NRXN3: variants seen among roughly 807,000 people sequenced by gnomAD.
NRXN3 encodes neurexin III.
NRXN3 carries 32 observed loss-of-function variants against 137.6 expected under a neutral mutation model. The ratio of observed to expected loss-of-function variants is 0.23; its 90% CI spans 0.18 to 0.31. The LOEUF (loss-of-function observed/expected upper bound fraction) is 0.31, where lower values mean the gene tolerates loss of function less well. NRXN3 is among the 10% of genes least tolerant of loss of function. The pLI, the probability that NRXN3 is intolerant of heterozygous loss-of-function variation, is 1.00. For synonymous variants in NRXN3, 798 were observed against 784.5 expected, an observed-to-expected ratio of 1.02 and a Z score of -0.29; for missense variants, 1,574 against 2,062.5, an observed-to-expected ratio of 0.76 and a Z score of 4.59.
At chr14:78,722,093 A>ACTC (rs1235691418) in intron 8 of NRXN3, among the ~76,000 whole-genome samples, 1 of 151,938 alleles carries the variant, frequency 6.6e-6, no homozygotes, top group Non-Finnish European at 1.5e-5. Context: ...TGGTCCTGTT[A>ACTC]CTCTAAAAAA....
intron 17 of NRXN3, among the ~76,000 whole-genome samples, chr14:79,674,707 A>C (rs2098631243): frequency 6.6e-6 from 1 of 152,226 alleles, no homozygotes; most frequent in African/African-American, 2.4e-5. Context: ...CCTACATCCC[A>C]GTGCATGCAG....
At chr14:78,537,944 C>A (rs538857598) in intron 4 of NRXN3, among the ~76,000 whole-genome samples, 67 of 152,160 alleles carry the variant, frequency 4.4e-4, no homozygotes, top group Non-Finnish European at 8.2e-4. Context: ...ATTTCTGAGG[C>A]CTCTGTTCTG....
At chr14:79,456,070 G>A (rs2096253187) in intron 15 of NRXN3, among the ~76,000 whole-genome samples, 1 of 151,730 alleles carries the variant, frequency 6.6e-6, no homozygotes, top group Admixed American at 6.6e-5. Flanking sequence ...ATTAGGTTTT[G>A]GTCTTTTTTA....
At chr14:79,564,417 T>C (rs1268971900) in intron 16 of NRXN3, among the ~76,000 whole-genome samples, 1 of 152,130 alleles carries the variant, frequency 6.6e-6, no homozygotes, top group Non-Finnish European at 1.5e-5. Context: ...ATACCCAAGG[T>C]AGGGTTTCAA....
intron 4 of NRXN3, among the ~76,000 whole-genome samples, chr14:78,637,915 A>G (rs1163460294): frequency 6.6e-6 from 1 of 152,194 alleles, no homozygotes; most frequent in Non-Finnish European, 1.5e-5. Flanking sequence ...GGCACCTGTG[A>G]ATCTTTACTT....
intron 14 of NRXN3, among the ~76,000 whole-genome samples, chr14:78,975,323 G>A (rs2099461068): frequency 6.6e-6 from 1 of 152,212 alleles, no homozygotes; most frequent in African/African-American, 2.4e-5. Context: ...AGCTGAGTCT[G>A]AAGGACAAGT....
chr14:79,010,647 C>T (rs550921990), intron 15 of NRXN3, among the ~76,000 whole-genome samples: 2 of 152,168 alleles, frequency 1.3e-5, no homozygotes, highest in Non-Finnish European at 2.9e-5. Flanking sequence ...ATAAGAAATG[C>T]TTATGGAATA....
intron 15 of NRXN3, among the ~76,000 whole-genome samples, chr14:79,243,565 T>C (rs1394712365): frequency 1.3e-5 from 2 of 152,160 alleles, no homozygotes; most frequent in Non-Finnish European, 2.9e-5. Context: ...TTCTAAGAAA[T>C]GTGTCCTTAA....
intron 15 of NRXN3, among the ~76,000 whole-genome samples, chr14:79,183,462 C>T (rs771604317): frequency 4.9e-4 from 75 of 152,084 alleles, no homozygotes; most frequent in Non-Finnish European, 8.5e-4. Context: ...CTCTGAGAAC[C>T]CCATAGTACA....
At chr14:79,224,660 C>T (rs913695659) in intron 15 of NRXN3, among the ~76,000 whole-genome samples, 1 of 152,098 alleles carries the variant, frequency 6.6e-6, no homozygotes, top group Non-Finnish European at 1.5e-5. Flanking sequence ...TTGGAGGTCA[C>T]ACTGGAGATG....
intron 15 of NRXN3, among the ~76,000 whole-genome samples, chr14:79,369,356 G>T (rs1450669490): frequency 6.6e-6 from 1 of 152,168 alleles, no homozygotes; most frequent in Non-Finnish European, 1.5e-5. Context: ...TAGTTTTATA[G>T]GAAAGGCGAT....
At chr14:79,571,582 CA>C (rs1302751078) in intron 16 of NRXN3, among the ~76,000 whole-genome samples, 1 of 152,122 alleles carries the variant, frequency 6.6e-6, no homozygotes, top group Non-Finnish European at 1.5e-5. Flanking sequence ...GGCTTTGTTT[CA>C]AGTCTTTTGA....
intron 15 of NRXN3, among the ~76,000 whole-genome samples, chr14:79,294,200 C>T (rs1166262421): frequency 2.0e-5 from 3 of 152,142 alleles, no homozygotes; most frequent in Non-Finnish European, 2.9e-5. Context: ...CCCTAGATAC[C>T]TAGCATATTT....
chr14:79,460,163 A>G (rs2096312261), intron 15 of NRXN3, among the ~76,000 whole-genome samples: 1 of 152,156 alleles, frequency 6.6e-6, no homozygotes. Flanking sequence ...GTTAAAGTAT[A>G]TATAAGGTAA....
chr14:78,406,310 A>G (rs2092479409), intron 4 of NRXN3, among the ~76,000 whole-genome samples: 2 of 152,152 alleles, frequency 1.3e-5, no homozygotes, highest in South Asian at 4.1e-4. Flanking sequence ...AGTTGGCTTT[A>G]TCCTCAATTC....
At chr14:78,316,216 A>G (rs1404976644) in intron 4 of NRXN3, among the ~76,000 whole-genome samples, 1 of 152,062 alleles carries the variant, frequency 6.6e-6, no homozygotes, top group Non-Finnish European at 1.5e-5. Context: ...AGAGAAATGC[A>G]CTGGGTTTAG....
At chr14:78,962,445 T>C (rs2099409950) in intron 11 of NRXN3, among the ~76,000 whole-genome samples, 1 of 152,172 alleles carries the variant, frequency 6.6e-6, no homozygotes, top group Non-Finnish European at 1.5e-5. Context: ...CTGTGAGGTA[T>C]GAATATATTT....
Position 79,239,749 on chromosome 14 carries a change from C to T in NRXN3, c.3263-227472C>T, listed in dbSNP as rs530487147. 2.0e-4 allele frequency among the ~76,000 whole-genome samples: 31 copies of T among 152,174 alleles called. No homozygotes were observed. In the South Asian group the frequency reaches 4.8e-3, roughly 23 times the overall value. On this transcript the variant is annotated intron_variant, in intron 15 of 20. Transcript: ENST00000335750. ...CACAATAGCCAAGATAAAGAGTCAA[C>T]CTAAGTGTTCATCAGAGGATAAATG... is the stretch of plus-strand genomic sequence containing the variant.
At chr14:78,255,195 C>A (rs960925968) in intron 2 of NRXN3, among the ~76,000 whole-genome samples, 1 of 151,316 alleles carries the variant, frequency 6.6e-6, no homozygotes, top group Non-Finnish European at 1.5e-5. Context: ...AAAAGGAACC[C>A]GTCTCATCAT....
Sources: gnomAD v4.1 joint callset for allele counts (sites outside exome capture counted in the v4.1 genomes callset) on GRCh38, gnomAD v4.1.1 for gene constraint, MANE v1.5 for transcripts, NCBI Gene and HGNC (gene_info 2026-07-23, HGNC 2026-07-21) for gene names.